MSRA: variants seen among roughly 807,000 people sequenced by gnomAD.
The protein encoded by MSRA is mitochondrial peptide methionine sulfoxide reductase.
A neutral mutation model predicts 31.3 loss-of-function variants in MSRA; 54 were observed. The ratio of observed to expected loss-of-function variants is 1.73; its 90% confidence interval spans 1.39 to 2.17. The LOEUF is 2.17. Ranked by LOEUF, MSRA falls within the 30% of genes most tolerant of loss-of-function variation. The pLI, the probability that MSRA is intolerant of heterozygous loss-of-function variation, is 0.00. For synonymous variants in MSRA, 169 were observed against 116.5 expected, an observed-to-expected ratio of 1.45 and a Z score of -2.90; for missense variants, 507 against 300.9, an observed-to-expected ratio of 1.69 and a Z score of -5.07.
At chr8:10,284,161 AACTG>A (rs1799807591) in intron 3 of MSRA, among the ~76,000 whole-genome samples, 1 of 152,024 alleles carries the variant, frequency 6.6e-6, no homozygotes, top group South Asian at 2.1e-4. Context: ...TAATTAGGAA[AACTG>A]ACTGAAGAGA....
intron 3 of MSRA, among the ~76,000 whole-genome samples, chr8:10,282,623 C>G (rs1044045098): frequency 6.6e-6 from 1 of 152,152 alleles, no homozygotes; most frequent in East Asian, 1.9e-4. Context: ...CTCGTCTGTT[C>G]TCTGATCAGT....
intron 5 of MSRA, among the ~76,000 whole-genome samples, chr8:10,344,941 T>C (rs1296939330): frequency 1.3e-5 from 2 of 152,190 alleles, no homozygotes; most frequent in Non-Finnish European, 2.9e-5. Context: ...TTGGCTGCAT[T>C]GTTCTGTCGA....
chr8:10,098,797 A>G (rs748056670), intron 1 of MSRA, among the ~76,000 whole-genome samples: 74 of 152,248 alleles, frequency 4.9e-4, no homozygotes, highest in African/African-American at 1.3e-3. Context: ...AAAATAAGCA[A>G]TTCAAATCAG....
intron 1 of MSRA, among the ~76,000 whole-genome samples, chr8:10,106,534 C>T (rs991871655): frequency 6.6e-6 from 1 of 152,154 alleles, no homozygotes; most frequent in East Asian, 1.9e-4. Flanking sequence ...TTATCTAAGT[C>T]AGTGCAACTC....
chr8:10,373,362 G>T (rs529498194), intron 5 of MSRA, among the ~76,000 whole-genome samples: 2 of 152,360 alleles, frequency 1.3e-5, no homozygotes, highest in Admixed American at 6.5e-5. Context: ...CTGACCAGTG[G>T]TTTTTTTCTC....
At chr8:10,264,659 A>T (rs906154546) in intron 3 of MSRA, among the ~76,000 whole-genome samples, 3 of 152,120 alleles carry the variant, frequency 2.0e-5, no homozygotes, top group African/African-American at 7.2e-5. Context: ...GGGGGTCCCA[A>T]GGTGAGGAAG....
At chr8:10,288,589 G>C (rs1012335599) in intron 3 of MSRA, among the ~76,000 whole-genome samples, 1 of 152,134 alleles carries the variant, frequency 6.6e-6, no homozygotes, top group African/African-American at 2.4e-5. Flanking sequence ...GCACTGTCTA[G>C]GAGGCAAGGC....
intron 2 of MSRA, among the ~76,000 whole-genome samples, chr8:10,234,879 T>A (rs1811820520): frequency 6.6e-6 from 1 of 152,016 alleles, no homozygotes; most frequent in Admixed American, 6.6e-5. Context: ...AGCAAGAGGA[T>A]AATAAGACTT....
At chr8:10,424,986 C>T (rs1809051815) in intron 5 of MSRA, among the ~76,000 whole-genome samples, 1 of 152,220 alleles carries the variant, frequency 6.6e-6, no homozygotes, top group African/African-American at 2.4e-5. Context: ...AGGGAGACCT[C>T]GCAGAATGCA....
At position 10,071,276 on chromosome 8, in the gene MSRA, G is replaced by C. The variant is rs145138041; in HGVS notation, c.142+16618G>C. Among the ~76,000 whole-genome samples, 3 of 152,108 alleles carry C rather than the reference G, an allele frequency of 2.0e-5. 1 individual carries two copies. The South Asian group carries it at 6.2e-4, about 32-fold the overall frequency. ...ATAAGGATGTTGAAGATCTTTTAAT[G>C]TGCTTGTTTGTCATTTGTATATCCT... is the stretch of plus-strand genomic sequence containing the variant. On this transcript the variant is annotated intron_variant, in intron 1 of 5. Transcript: ENST00000317173.
intron 2 of MSRA, among the ~76,000 whole-genome samples, chr8:10,231,093 T>C (rs1811437193): frequency 6.6e-6 from 1 of 151,922 alleles, no homozygotes; most frequent in Non-Finnish European, 1.5e-5. Context: ...GCCTGTTCTG[T>C]AGTTTTAAAG....
intron 3 of MSRA, among the ~76,000 whole-genome samples, chr8:10,284,230 C>G (rs780667627): frequency 6.6e-6 from 1 of 152,062 alleles, no homozygotes. Context: ...ACTCTTGTTC[C>G]CGGGATGGAG....
chr8:10,349,074 T>C (rs902314548), intron 5 of MSRA, among the ~76,000 whole-genome samples: 9 of 152,238 alleles, frequency 5.9e-5, no homozygotes, highest in African/African-American at 2.2e-4. Context: ...TGAATAATCA[T>C]ATGCGATACA....
intron 3 of MSRA, among the ~76,000 whole-genome samples, chr8:10,288,100 G>A (rs1563312716): frequency 6.6e-6 from 1 of 152,158 alleles, no homozygotes; most frequent in Non-Finnish European, 1.5e-5. Context: ...GTGAAAATGA[G>A]GCTGGAATTA....
intron 3 of MSRA, among the ~76,000 whole-genome samples, chr8:10,250,039 C>G (rs1430460293): frequency 6.6e-6 from 1 of 152,140 alleles, no homozygotes; most frequent in African/African-American, 2.4e-5. Flanking sequence ...AGAATTTTCT[C>G]TATAGTCAAA....
chr8:10,238,349 T>C (rs1812127351), intron 2 of MSRA, among the ~76,000 whole-genome samples: 1 of 152,202 alleles, frequency 6.6e-6, no homozygotes, highest in South Asian at 2.1e-4. Context: ...TTTTCATTTT[T>C]TATAGCTCTT....
At chr8:10,071,179 G>A (rs1239077649) in intron 1 of MSRA, among the ~76,000 whole-genome samples, 1 of 152,194 alleles carries the variant, frequency 6.6e-6, no homozygotes, top group African/African-American at 2.4e-5. Flanking sequence ...TAGTGTCACT[G>A]TTTTATTTTA....
chr8:10,376,176 T>G (rs1168888289), intron 5 of MSRA, among the ~76,000 whole-genome samples: 1 of 152,176 alleles, frequency 6.6e-6, no homozygotes, highest in African/African-American at 2.4e-5. Context: ...ATGCATTCCT[T>G]TAGCTAAGTC....
At chr8:10,139,478 C>CAGTGTGCA (rs1802522539) in intron 1 of MSRA, among the ~76,000 whole-genome samples, 2 of 152,196 alleles carry the variant, frequency 1.3e-5, no homozygotes, top group Admixed American at 1.3e-4. Flanking sequence ...GTCACCCAAA[C>CAGTGTGCA]AGTGTGCATT....
Sources: gnomAD v4.1 joint callset for allele counts (sites outside exome capture counted in the v4.1 genomes callset) on GRCh38, gnomAD v4.1.1 for gene constraint, MANE v1.5 for transcripts, NCBI Gene and HGNC (gene_info 2026-07-23, HGNC 2026-07-21) for gene names.